Variants in COL6A5 observed in about 807,000 individuals in gnomAD.
COL6A5 encodes the protein collagen alpha-5(VI) chain.
A neutral mutation model predicts 65.6 loss-of-function variants in COL6A5; 48 were observed. The observed-to-expected ratio is 0.73, with a 90% CI of 0.58 to 0.93. The LOEUF (loss-of-function observed/expected upper bound fraction) is 0.93, where lower values mean the gene tolerates loss of function less well. Among genes scored for constraint, COL6A5 ranks in the 40% least tolerant of loss-of-function variants. The pLI, the probability that COL6A5 is intolerant of heterozygous loss-of-function variation, is 0.00. For synonymous variants in COL6A5, 291 were observed against 322.8 expected (o/e 0.90, Z 1.05); for missense variants, 914 against 928.3 (o/e 0.98, Z 0.20).
At chr3:130,414,612 A>G (rs545254890) in intron 22 of COL6A5, among the ~76,000 whole-genome samples, 1 of 152,208 alleles carries the variant, frequency 6.6e-6, no homozygotes, top group East Asian at 1.9e-4. Context: ...TGGTCATATC[A>G]TTAGTCATGT....
At chr3:130,478,536 A>T (rs1311010502) in intron 7 of COL6A5, among the ~76,000 whole-genome samples, 1 of 152,066 alleles carries the variant, frequency 6.6e-6, no homozygotes, top group Admixed American at 6.6e-5. Flanking sequence ...ATTTGTGTCT[A>T]AGGAATCACA....
At chr3:130,379,882 A>G (rs1453719383) in exon 4 of COL6A5, 2 of 1,551,388 alleles carry the variant, frequency 1.3e-6, no homozygotes, top group East Asian at 2.4e-5. Flanking sequence ...AGGGGCTAAC[A>G]ATACCCAGTT....
chr3:130,350,613 G>A (rs1371189825), intron 1 of COL6A5, among the ~76,000 whole-genome samples: 1 of 152,090 alleles, frequency 6.6e-6, no homozygotes, highest in Non-Finnish European at 1.5e-5. Context: ...GGGATGTGAA[G>A]GACCTCTTCA....
At chr3:130,450,290 C>T (rs907978250) in intron 4 of COL6A5, among the ~76,000 whole-genome samples, 3 of 152,112 alleles carry the variant, frequency 2.0e-5, no homozygotes, top group African/African-American at 4.8e-5. Flanking sequence ...ATACTTAGAG[C>T]GGCAAATATT....
intron 7 of COL6A5, among the ~76,000 whole-genome samples, chr3:130,477,842 T>C (rs1192483945): frequency 2.0e-5 from 3 of 152,124 alleles, no homozygotes. Context: ...TAAGTAGATA[T>C]GGGTTTTTCT....
At chr3:130,386,716 G>A (rs7631729) in intron 5 of COL6A5, among the ~76,000 whole-genome samples, 1,847 of 152,120 alleles carry the variant, frequency 0.012, 24 homozygotes, top group Non-Finnish European at 0.015. Context: ...GGTCCTGGAC[G>A]AATCTAGGGA....
At chr3:130,468,694 C>A in intron 5 of COL6A5, 101 bp from the exon 38 acceptor site, 2 of 763,108 alleles carry the variant, frequency 2.6e-6, no homozygotes, top group Admixed American at 2.8e-5. Flanking sequence ...TATGGAAATG[C>A]AGCATGGTAA....
chr3:130,394,420 T>C (rs922734352), intron 7 of COL6A5, among the ~76,000 whole-genome samples: 11 of 152,156 alleles, frequency 7.2e-5, no homozygotes, highest in African/African-American at 2.4e-4. Flanking sequence ...TTAATGTTGT[T>C]AGTGTATGCC....
In COL6A5 at chr3:130,351,288, G is replaced by A. The variant is rs548412369; in HGVS notation, c.-29+5307G>A. ...CTTGTCTAAAACACCAAAAGCAATG[G>A]CAACAAAAGCCAAAATAGACAAATG... On this transcript the variant is annotated intron_variant and NMD_transcript_variant, in intron 1 of 41. Coordinates refer to the COL6A5 transcript ENST00000312481. Among the ~76,000 whole-genome samples, 21 of 152,228 alleles carry A rather than the reference G, an allele frequency of 1.4e-4. No individual in the cohort carries two copies. In the South Asian group the frequency reaches 4.4e-3, roughly 32 times the overall value.
intron 13 of COL6A5, among the ~76,000 whole-genome samples, chr3:130,405,259 A>T (rs565112078): frequency 1.3e-5 from 2 of 152,278 alleles, no homozygotes; most frequent in African/African-American, 4.8e-5. Context: ...AGGGCCGTAG[A>T]TGGATTACTG....
At chr3:130,359,437 A>G (rs1406869162) in intron 1 of COL6A5, among the ~76,000 whole-genome samples, 1 of 152,122 alleles carries the variant, frequency 6.6e-6, no homozygotes, top group Non-Finnish European at 1.5e-5. Flanking sequence ...TATTTAGGTC[A>G]AAAATTGTTT....
chr3:130,454,213 T>C (rs1321157375), intron 4 of COL6A5, among the ~76,000 whole-genome samples: 2 of 143,650 alleles, frequency 1.4e-5, no homozygotes, highest in African/African-American at 5.0e-5. Context: ...GAATGATTCT[T>C]CTTTGTCAAA....
chr3:130,431,642 G>A (rs1184985340), exon 1 of COL6A5: 1 of 1,551,488 alleles, frequency 6.4e-7, no homozygotes, highest in South Asian at 1.2e-5. Context: ...TATAACTCAG[G>A]CACCAGCTAT....
chr3:130,405,598 G>A, exon 14 of COL6A5: 4 of 1,550,880 alleles, frequency 2.6e-6, no homozygotes, highest in Non-Finnish European at 3.5e-6. Context: ...GGAGTACGAG[G>A]AGACACAGGA....
At chr3:130,460,140 A>G (rs1463723625) in intron 5 of COL6A5, among the ~76,000 whole-genome samples, 4 of 152,126 alleles carry the variant, frequency 2.6e-5, no homozygotes, top group Non-Finnish European at 5.9e-5. Context: ...TGAGTCATCC[A>G]AGGAACATCA....
At chr3:130,365,550 T>G (rs1324268661) in intron 1 of COL6A5, among the ~76,000 whole-genome samples, 9 of 152,316 alleles carry the variant, frequency 5.9e-5, no homozygotes, top group Admixed American at 4.6e-4. Flanking sequence ...GTGCTGGGAT[T>G]ACAGGCGTGA....
At chr3:130,404,631 T>C (rs1936924242) in intron 13 of COL6A5, among the ~76,000 whole-genome samples, 1 of 152,208 alleles carries the variant, frequency 6.6e-6, no homozygotes, top group African/African-American at 2.4e-5. Context: ...CCCACCTGCC[T>C]GGCTGAGCCC....
rs548750296 is a variant in COL6A5, at chr3:130,461,432, T to G, written c.1544+5766T>G. ...CCATATAAGCACTTTATAGACATTA[T>G]TTTATTTAATCTTTATTAAATTAAA... On this transcript the variant is annotated intron_variant, in intron 5 of 7. Coordinates refer to ENST00000512836, the Ensembl canonical transcript of COL6A5. Among the ~76,000 whole-genome samples, 345 of 152,252 alleles carry G rather than the reference T, an allele frequency of 2.3e-3. 3 individuals carry two copies. Among genetic ancestry groups the G allele is most frequent in the Non-Finnish European group, 3.6e-3 (247 of 67,980 alleles).
intron 4 of COL6A5, among the ~76,000 whole-genome samples, chr3:130,447,743 C>T (rs1286523521): frequency 6.6e-6 from 1 of 152,072 alleles, no homozygotes; most frequent in Non-Finnish European, 1.5e-5. Context: ...TTGGGGAAAT[C>T]CTGTAAGGCA....
Sources: allele counts gnomAD v4.1 joint callset (sites outside exome capture counted in the v4.1 genomes callset), GRCh38; gene constraint gnomAD v4.1.1; transcripts MANE v1.5; gene names NCBI Gene and HGNC (gene_info 2026-07-23, HGNC 2026-07-21).